IKZF3: variants seen among roughly 807,000 people sequenced by gnomAD.
The protein encoded by IKZF3 is IKAROS family zinc finger 3, also known as zinc finger protein Aiolos.
Under a neutral mutation model 49.0 loss-of-function variants are expected in IKZF3, and 10 were observed. That is an observed-to-expected ratio of 0.20 (90% CI 0.13 to 0.35). The LOEUF (loss-of-function observed/expected upper bound fraction) is 0.35, where lower values mean the gene tolerates loss of function less well. Ranked by LOEUF, IKZF3 falls within the 10% of genes least tolerant of loss-of-function variation. IKZF3 has a pLI of 1.00. For missense variants in IKZF3, 498 were observed against 664.8 expected (o/e 0.75, Z 2.76); for synonymous variants, 209 against 228.2 (o/e 0.92, Z 0.76).
At chr17:39,863,977 T>C in intron 1 of IKZF3, 143 bp downstream of exon 1, 1 of 1,103,318 alleles carries the variant, frequency 9.1e-7, no homozygotes, top group Non-Finnish European at 1.4e-6. Flanking sequence ...CGACGCGCTT[T>C]GTCCTCTGAA....
intron 1 of IKZF3, among the ~76,000 whole-genome samples, chr17:39,859,273 A>G (rs2063150923): frequency 6.6e-6 from 1 of 151,742 alleles, no homozygotes; most frequent in Non-Finnish European, 1.5e-5. Flanking sequence ...TTATACACAG[A>G]TTACTTTTCA....
intron 7 of IKZF3, among the ~76,000 whole-genome samples, chr17:39,766,963 C>T (rs1428264554): frequency 6.6e-6 from 1 of 152,074 alleles, no homozygotes; most frequent in African/African-American, 2.4e-5. Context: ...GCCAGGGGGA[C>T]AGAAGTGCTG....
At chr17:39,854,634 T>C (rs2062985178) in intron 1 of IKZF3, among the ~76,000 whole-genome samples, 1 of 152,186 alleles carries the variant, frequency 6.6e-6, no homozygotes, top group African/African-American at 2.4e-5. Flanking sequence ...AGATGGCATT[T>C]AGGATAGACC....
chr17:39,794,070 G>A (rs1423751943), intron 3 of IKZF3, among the ~76,000 whole-genome samples: 1 of 152,180 alleles, frequency 6.6e-6, no homozygotes, highest in African/African-American at 2.4e-5. Flanking sequence ...CAAATCAATG[G>A]AGTGTAGGGC....
rs572431209 is a variant in IKZF3, at chr17:39,792,685, G to T, written c.412C>A (p.Arg138=). 29 of 1,613,812 alleles carry T rather than the reference G, an allele frequency of 1.8e-5. 1 individual carries two copies. The South Asian group carries it at 2.9e-4, about 16-fold the overall frequency. ...GCAGACTATTTACCAGTATGGCTTCGCTTATGAACCATTAAGACATTGAAG... is the reference window on the plus strand; with the variant it reads ...GCAGACTATTTACCAGTATGGCTTCTCTTATGAACCATTAAGACATTGAAG... The part of the protein sequence containing the change: ...ISFNVLMVHK[R]SHTGERPFQC... The change falls in exon 4 of 8, where the codon CGA becomes AGA. Residue 138 remains arginine (R), a synonymous_variant. Transcript: ENST00000346872.
chr17:39,764,988 C>T lies in IKZF3; in HGVS notation c.*802G>A, dbSNP rs1377254727. The T allele has an allele frequency of 6.6e-6, 1 of 152,134 alleles. No homozygotes were observed. The highest frequency in any genetic ancestry group is 1.5e-5 in the Non-Finnish European group (1 of 68,018). 9.4% of individuals were successfully genotyped at this position (152,134 alleles called of 1,614,324 possible). On this transcript the variant is annotated 3_prime_UTR_variant, in exon 8 of 8. Coordinates refer to ENST00000346872, the MANE Select transcript of IKZF3 (RefSeq NM_012481.5). ...TGCCAAACAATTTCCCCCTTTATACCCTTGCTCTGCCAACCTTGACCAAAG... is the reference window on the plus strand; with the variant it reads ...TGCCAAACAATTTCCCCCTTTATACTCTTGCTCTGCCAACCTTGACCAAAG...
intron 6 of IKZF3, among the ~76,000 whole-genome samples, chr17:39,780,331 C>T (rs901120533): frequency 3.3e-5 from 5 of 150,820 alleles, no homozygotes; most frequent in East Asian, 3.9e-4. Flanking sequence ...TTACACAATA[C>T]ATTATAAAGC....
intron 3 of IKZF3, among the ~76,000 whole-genome samples, chr17:39,809,281 T>C (rs1476136363): frequency 6.6e-6 from 1 of 152,246 alleles, no homozygotes; most frequent in African/African-American, 2.4e-5. Flanking sequence ...CTGTCATTCC[T>C]GCAACCTCAA....
chr17:39,812,971 G>A (rs978344172), intron 3 of IKZF3, among the ~76,000 whole-genome samples: 6 of 152,012 alleles, frequency 3.9e-5, no homozygotes, highest in African/African-American at 7.2e-5. Flanking sequence ...GTGTGGTGGC[G>A]GGCGCCTGTA....
intron 1 of IKZF3, among the ~76,000 whole-genome samples, chr17:39,862,134 G>C (rs889362825): frequency 5.3e-5 from 8 of 152,016 alleles, no homozygotes; most frequent in African/African-American, 1.9e-4. Flanking sequence ...AAAAGTTATA[G>C]CTTCTGATTT....
rs1398405964 is a variant in IKZF3, at chr17:39,762,535, A to G, written c.*3255T>C. The G allele has an allele frequency of 6.6e-6, 1 of 152,224 alleles. No individual in the cohort carries two copies. The highest frequency in any genetic ancestry group is 1.5e-5 in the Non-Finnish European group (1 of 68,066). The allele number at this position is 152,224 out of a possible 1,614,324, so 9.4% of individuals were successfully genotyped here. A position where few individuals can be genotyped will look rare whatever the true frequency, so the allele number is the denominator to read the frequency against. On this transcript the variant is annotated 3_prime_UTR_variant, in exon 8 of 8. Transcript: ENST00000346872. The stretch of plus-strand genomic sequence containing the variant: ...CACAGGAAAAAGGAGGATCATATCT[A>G]TAAAAAGAGTCCCCAGGCTGGTGGA...
intron 3 of IKZF3, among the ~76,000 whole-genome samples, chr17:39,824,693 CTT>C (rs768606972): frequency 2.1e-5 from 3 of 141,668 alleles, no homozygotes; most frequent in East Asian, 2.0e-4. Flanking sequence ...GATCTGATGG[CTT>C]TTTTTTTTTT....
Position 39,864,258 on chromosome 17 carries a change from G to A in IKZF3, c.-132C>T. ...GGGGAGTCCCCGGGATCCGGCAGCC[G>A]CGTCGGCGCAGACTGAAAAGGGCAG... On this transcript the variant is annotated 5_prime_UTR_variant, in exon 1 of 8. Transcript: ENST00000346872. The A allele has an allele frequency of 1.9e-6, 2 of 1,060,804 alleles. No homozygotes were observed. Among genetic ancestry groups the A allele is most frequent in the Non-Finnish European group, 2.7e-6 (2 of 736,366 alleles). 65.7% of individuals were successfully genotyped at this position (1,060,804 alleles called of 1,614,324 possible). A position where few individuals can be genotyped will look rare whatever the true frequency, so the allele number is the denominator to read the frequency against.
chr17:39,765,527 A>G lies in IKZF3; in HGVS notation c.*263T>C. ...TCCACTGCTGTAGAAGATAATGACC[A>G]AATACCTTTTTGGCTTTTAAATTCC... On this transcript the variant is annotated 3_prime_UTR_variant, in exon 8 of 8. Transcript: ENST00000346872. 1 of 414,564 alleles carries G rather than the reference A, an allele frequency of 2.4e-6. No homozygotes were observed. Among genetic ancestry groups the G allele is most frequent in the Non-Finnish European group, 4.4e-6 (1 of 229,550 alleles). 25.7% of individuals were successfully genotyped at this position (414,564 alleles called of 1,614,324 possible).
chr17:39,856,741 G>A (rs2063071863), intron 1 of IKZF3, among the ~76,000 whole-genome samples: 1 of 151,824 alleles, frequency 6.6e-6, no homozygotes, highest in African/African-American at 2.4e-5. Flanking sequence ...GGGAGGCAGA[G>A]GTTGCAATGA....
intron 1 of IKZF3, among the ~76,000 whole-genome samples, chr17:39,849,020 C>T (rs1440323469): frequency 1.3e-5 from 2 of 151,860 alleles, no homozygotes; most frequent in Non-Finnish European, 2.9e-5. Context: ...CACTTAGTCA[C>T]AAAAAAGAAG....
At position 39,839,227 on chromosome 17, in the gene IKZF3, T is replaced by C. The variant is rs907629751; in HGVS notation, c.8-7076A>G. On this transcript the variant is annotated intron_variant, in intron 1 of 7. Coordinates refer to ENST00000346872, the MANE Select transcript of IKZF3 (RefSeq NM_012481.5). Reference sequence around the variant, plus strand: ...TGAATGCAGTCAACCAACACGTTCATAAGAGATTCAGAGAGAAAAAATATA... The same window carrying C: ...TGAATGCAGTCAACCAACACGTTCACAAGAGATTCAGAGAGAAAAAATATA... 1.4e-5 allele frequency: 4 copies of C among 283,208 alleles called. No homozygotes were observed. In the South Asian group the frequency reaches 1.8e-4, roughly 13 times the overall value. The allele number at this position is 283,208 out of a possible 1,614,324, so 17.5% of individuals were successfully genotyped here. A position where few individuals can be genotyped will look rare whatever the true frequency, so the allele number is the denominator to read the frequency against.
At chr17:39,840,207 T>C (rs769817294) in intron 1 of IKZF3, among the ~76,000 whole-genome samples, 1 of 152,330 alleles carries the variant, frequency 6.6e-6, no homozygotes, top group East Asian at 1.9e-4. Context: ...CTCTACACAT[T>C]AGTGGATCAG....
At chr17:39,781,305 T>C (rs1257745933) in intron 6 of IKZF3, among the ~76,000 whole-genome samples, 1 of 152,208 alleles carries the variant, frequency 6.6e-6, no homozygotes, top group Non-Finnish European at 1.5e-5. Context: ...GTTAGGAGAC[T>C]TTTTTCTTAG....
Sources: gnomAD v4.1 joint callset for allele counts (sites outside exome capture counted in the v4.1 genomes callset) on GRCh38, gnomAD v4.1.1 for gene constraint, MANE v1.5 for transcripts, NCBI Gene and HGNC (gene_info 2026-07-23, HGNC 2026-07-21) for gene names.